Variants in VPS50 observed in about 807,000 individuals in gnomAD.
VPS50 encodes syndetin.
Under a neutral mutation model 139.7 loss-of-function variants are expected in VPS50, and 70 were observed. That is an observed-to-expected ratio of 0.50 (90% confidence interval 0.41 to 0.61). The LOEUF is 0.61. Ranked by LOEUF, VPS50 falls within the 20% of genes least tolerant of loss-of-function variation. The probability of loss-of-function intolerance (pLI) is 0.00; values close to 1 mark genes in which losing one functional copy is unlikely to be tolerated. For missense variants in VPS50, 921 were observed against 1,133.7 expected, an observed-to-expected ratio of 0.81 and a Z score of 2.69; for synonymous variants, 365 against 376.7, an observed-to-expected ratio of 0.97 and a Z score of 0.36.
intron 16 of VPS50, among the ~76,000 whole-genome samples, chr7:93,300,532 A>G (rs1441724465): frequency 2.0e-5 from 3 of 152,212 alleles, no homozygotes; most frequent in Admixed American, 6.5e-5. Context: ...TAGGAGAGCC[A>G]GAGTTGGCTA....
chr7:93,290,334 TCAAA>T (rs1232917258), intron 12 of VPS50, among the ~76,000 whole-genome samples: 1 of 151,782 alleles, frequency 6.6e-6, no homozygotes, highest in African/African-American at 2.4e-5. Flanking sequence ...ATGCTGTGAA[TCAAA>T]CAAAGAAATT....
intron 15 of VPS50, 60 bp from the exon 16 acceptor site, chr7:93,297,085 C>T: frequency 3.3e-6 from 5 of 1,522,054 alleles, no homozygotes; most frequent in South Asian, 2.7e-5. Context: ...AGAGAAACCA[C>T]ACTTCTTTTT....
intron 26 of VPS50, among the ~76,000 whole-genome samples, 177 bp from the exon 27 acceptor site, chr7:93,355,714 C>T (rs1441854965): frequency 3.3e-5 from 5 of 152,120 alleles, no homozygotes; most frequent in African/African-American, 1.2e-4. Flanking sequence ...GGTAAAATGA[C>T]AGAGCACAAA....
chr7:93,262,876 CATA>C (rs1795727339), intron 9 of VPS50, among the ~76,000 whole-genome samples: 1 of 152,140 alleles, frequency 6.6e-6, no homozygotes, highest in Non-Finnish European at 1.5e-5. Context: ...TATGGGAGAA[CATA>C]ATAAGTTTGT....
chr7:93,271,332 C>A, intron 10 of VPS50, 70 bp downstream of exon 10: 1 of 1,441,576 alleles, frequency 6.9e-7, no homozygotes, highest in South Asian at 1.7e-5. Flanking sequence ...CTAGGTGCAA[C>A]ATTGTGTTTT....
intron 19 of VPS50, among the ~76,000 whole-genome samples, chr7:93,310,080 T>C (rs1454882182): frequency 6.6e-6 from 1 of 152,050 alleles, no homozygotes; most frequent in Non-Finnish European, 1.5e-5. Context: ...AGAACTATTT[T>C]GTTGGAATTC....
At chr7:93,349,329 G>T (rs992462609) in intron 24 of VPS50, among the ~76,000 whole-genome samples, 1 of 152,176 alleles carries the variant, frequency 6.6e-6, no homozygotes, top group Non-Finnish European at 1.5e-5. Flanking sequence ...GATGGCTGGG[G>T]CAATCAGCAG....
chr7:93,290,575 A>T (rs944465517), intron 12 of VPS50, among the ~76,000 whole-genome samples: 1 of 151,894 alleles, frequency 6.6e-6, no homozygotes, highest in African/African-American at 2.4e-5. Flanking sequence ...ATCAGCACCT[A>T]TTGAGATAAT....
intron 9 of VPS50, among the ~76,000 whole-genome samples, chr7:93,263,142 C>G (rs919275466): frequency 5.3e-5 from 8 of 151,980 alleles, no homozygotes; most frequent in Non-Finnish European, 1.2e-4. Flanking sequence ...CCTACTCATA[C>G]AGGATTCATC....
At chr7:93,306,335 A>G (rs1469336727) in intron 18 of VPS50, among the ~76,000 whole-genome samples, 4 of 151,996 alleles carry the variant, frequency 2.6e-5, no homozygotes, top group African/African-American at 7.2e-5. Flanking sequence ...ATATTGTGAG[A>G]TGACGGAATA....
At chr7:93,354,380 C>G (rs7811410) in intron 26 of VPS50, among the ~76,000 whole-genome samples, 79,652 of 151,002 alleles carry the variant, frequency 0.53, 23,752 homozygotes, top group African/African-American at 0.82. Flanking sequence ...TGCAGCCTCT[C>G]CCTCCTGGGC....
At chr7:93,268,166 T>C (rs939045348) in intron 9 of VPS50, among the ~76,000 whole-genome samples, 4 of 152,162 alleles carry the variant, frequency 2.6e-5, no homozygotes, top group African/African-American at 9.7e-5. Context: ...ATATAGAATA[T>C]TGACCAAATC....
At chr7:93,288,275 A>C (rs1796550311) in intron 12 of VPS50, among the ~76,000 whole-genome samples, 1 of 152,152 alleles carries the variant, frequency 6.6e-6, no homozygotes, top group Non-Finnish European at 1.5e-5. Context: ...GGCTCATTGT[A>C]AGGGTAGCGA....
intron 18 of VPS50, among the ~76,000 whole-genome samples, chr7:93,307,458 G>A (rs1054827719): frequency 6.6e-6 from 1 of 151,924 alleles, no homozygotes; most frequent in African/African-American, 2.4e-5. Context: ...TATAGTATGA[G>A]AGCCTAAGCA....
chr7:93,262,560 C>G (rs1795718676), intron 9 of VPS50, among the ~76,000 whole-genome samples: 1 of 152,188 alleles, frequency 6.6e-6, no homozygotes, highest in Non-Finnish European at 1.5e-5. Context: ...TTATTCTCTG[C>G]AAATAGGTAA....
Position 93,257,580 on chromosome 7 carries a change from T to C in VPS50, c.422+116T>C. 6.6e-6 allele frequency: 4 copies of C among 607,232 alleles called. No individual in the cohort carries two copies. The South Asian group carries it at 9.0e-5, about 14-fold the overall frequency. The allele number at this position is 607,232 out of a possible 1,614,324, so 37.6% of individuals were successfully genotyped here. On this transcript the variant is annotated intron_variant, in intron 6 of 27. Coordinates refer to ENST00000305866, the MANE Select transcript of VPS50 (RefSeq NM_017667.4). ...TATGGATGTGGTTTCTAGAATATCA[T>C]TCCTTAAGTGAACATATATCATGAT...
At chr7:93,348,336 G>A (rs1471905660) in intron 23 of VPS50, among the ~76,000 whole-genome samples, 1 of 152,162 alleles carries the variant, frequency 6.6e-6, no homozygotes, top group Non-Finnish European at 1.5e-5. Flanking sequence ...TCAAGAGTCT[G>A]TTGTGTATAA....
In VPS50 at chr7:93,284,579, G is replaced by A. The variant is rs147739018; in HGVS notation, c.943-7124G>A. ...TATTTAGCATTAATGATAAAATGCC[G>A]TAGATGAGAATGAGTGTTTTTCTCC... On this transcript the variant is annotated intron_variant, in intron 12 of 27. Coordinates refer to ENST00000305866, the MANE Select transcript of VPS50 (RefSeq NM_017667.4). 9.3e-3 allele frequency among the ~76,000 whole-genome samples: 1,415 copies of A among 152,246 alleles called. 16 individuals carry two copies. The highest frequency in any genetic ancestry group is 0.027 in the South Asian group (130 of 4,820).
chr7:93,271,384 C>G (rs1287606357), intron 10 of VPS50, 122 bp downstream of exon 10: 3 of 1,309,768 alleles, frequency 2.3e-6, no homozygotes, highest in Non-Finnish European at 2.9e-6. Flanking sequence ...CACTGTATTT[C>G]TTGATTTTCA....
Sources: allele counts gnomAD v4.1 joint callset (sites outside exome capture counted in the v4.1 genomes callset), GRCh38; gene constraint gnomAD v4.1.1; transcripts MANE v1.5; gene names NCBI Gene and HGNC (gene_info 2026-07-23, HGNC 2026-07-21).